The following ANKRD13B variants were observed in gnomAD, a reference collection of about 807,000 sequenced individuals.
ANKRD13B encodes ankyrin repeat domain-containing protein 13B.
ANKRD13B carries 33 observed loss-of-function variants against 74.4 expected under a neutral mutation model. The ratio of observed to expected loss-of-function variants is 0.44; its 90% CI spans 0.34 to 0.59. ANKRD13B has a LOEUF of 0.59. ANKRD13B is among the 20% of genes least tolerant of loss of function. ANKRD13B has a pLI of 0.02. For synonymous variants in ANKRD13B, 341 were observed against 362.9 expected (o/e 0.94, Z 0.68); for missense variants, 676 against 877.9 (o/e 0.77, Z 2.91).
chr17:29,609,173 T>G lies in ANKRD13B; in HGVS notation c.653T>G (p.Leu218Arg). ...GCACTGGCTGGGCAGGACCGGGAGC[T>G]GCTGCTGGCTGCTGCTCAGCCCACT... ...TLALAGQDRE[L>R]LLAAAQPTEE... The change falls in exon 6 of 15, where the codon CTG (leucine) becomes CGG (arginine). Residue 218 changes from leucine (L) to arginine (R), a missense_variant. By Grantham distance (102) the Leu-to-Arg change is moderately radical. Around this residue, in one of 4 missense-constraint regions of ANKRD13B, gnomAD observed 328 missense variants for 518.4 expected, o/e 0.63. Transcript: ENST00000394859. This position sits in a 1 kb window ranked among gnomAD's most constrained non-coding sequence, Gnocchi z 4.0. The G allele has an allele frequency of 6.2e-7, 1 of 1,612,252 alleles. No homozygotes were observed. Among genetic ancestry groups the G allele is most frequent in the Non-Finnish European group, 8.5e-7 (1 of 1,179,998 alleles).
In ANKRD13B at chr17:29,609,355, G is replaced by A. The variant is rs369846246; in HGVS notation, c.756G>A (p.Arg252=). 54 of 1,613,444 alleles carry A rather than the reference G, an allele frequency of 3.3e-5. No homozygotes were observed. The highest frequency in any genetic ancestry group is 5.0e-5 in the Admixed American group (3 of 60,002). Residue 252 remains arginine, a splice_region_variant and synonymous_variant, in exon 7 of 15, where the codon AGG becomes AGA. Coordinates refer to ENST00000394859, the MANE Select transcript of ANKRD13B (RefSeq NM_152345.5). This position sits in a 1 kb window ranked among gnomAD's most constrained non-coding sequence, Gnocchi z 4.0. The part of the protein sequence containing the change: ...QLDTKNISFE[R]NKTGILGWRS... ...CACCTGGACCACTCTGCTTCCCCAG[G>A]AACAAGACTGGCATCCTGGGCTGGC...
At chr17:29,603,547 C>T (rs530509162) in intron 1 of ANKRD13B, among the ~76,000 whole-genome samples, 3 of 152,308 alleles carry the variant, frequency 2.0e-5, no homozygotes, top group East Asian at 1.9e-4. Context: ...AGAAGCCCAG[C>T]CAACTTTATT....
Position 29,613,449 on chromosome 17 carries a change from T to G in ANKRD13B, c.1748T>G (p.Phe583Cys). 6.5e-7 allele frequency: 1 copy of G among 1,532,480 alleles called. No homozygotes were observed. The allele number at this position is 1,532,480 out of a possible 1,614,324, so 94.9% of individuals were successfully genotyped here. The change falls in exon 15 of 15, where the codon TTC becomes TGC. Residue 583 changes from phenylalanine to cysteine, a missense_variant. Physicochemically the swap from Phe to Cys is radical, Grantham distance 205 (BLOSUM62 -2). Around this residue, in one of 4 missense-constraint regions of ANKRD13B, gnomAD observed 108 missense variants for 90.3 expected, o/e 1.20. Transcript: ENST00000394859. ...SSGPGSGGHV[F>C]RSYDEQLRLA... is the part of the protein sequence containing the mutation. ...GGGCCAGGTTCCGGCGGCCACGTGTTCCGGAGCTACGACGAGCAGCTGCGG... is the reference window on the plus strand; with the variant it reads ...GGGCCAGGTTCCGGCGGCCACGTGTGCCGGAGCTACGACGAGCAGCTGCGG...
In ANKRD13B at chr17:29,609,177, G is replaced by T. The variant is rs749479395; in HGVS notation, c.657G>T (p.Leu219=). The T allele has an allele frequency of 2.5e-6, 4 of 1,612,298 alleles. No individual in the cohort carries two copies. The South Asian group carries it at 4.4e-5, about 18-fold the overall frequency. ...LALAGQDREL[L]LAAAQPTEEQ... is the part of the protein sequence containing the mutation. The stretch of plus-strand genomic sequence containing the variant: ...TGGCTGGGCAGGACCGGGAGCTGCT[G>T]CTGGCTGCTGCTCAGCCCACTGAGG... The change falls in exon 6 of 15, where the codon CTG becomes CTT. Residue 219 remains leucine (L), a synonymous_variant. Transcript: ENST00000394859. The surrounding 1 kb of genome is among the most constrained non-coding windows in gnomAD (Gnocchi z 4.0).
chr17:29,596,141 C>T (rs2033945973), intron 1 of ANKRD13B, among the ~76,000 whole-genome samples: 2 of 152,272 alleles, frequency 1.3e-5, no homozygotes, highest in Admixed American at 1.3e-4. Context: ...GCCTCTTCTT[C>T]ACTCCAAGAA....
At chr17:29,610,653 T>C (rs377406629) in intron 7 of ANKRD13B, 32 bp from the exon 8 acceptor site, 1 of 1,609,254 alleles carries the variant, frequency 6.2e-7, no homozygotes, top group African/African-American at 1.3e-5. Context: ...AGACCAGAAC[T>C]GCTTATGAGC....
rs768984716 is a variant in ANKRD13B, at chr17:29,612,285, C to T, written c.1258+12C>T. On this transcript the variant is annotated intron_variant, in intron 11 of 14. Transcript: ENST00000394859. This position sits in a 1 kb window ranked among gnomAD's most constrained non-coding sequence, Gnocchi z 6.1. Reference sequence around the variant, plus strand: ...CCCAGTTAAGATTGGTGAGACCGCACGGCCATTTCTCCTGAGCCCGTGGCG... The same window carrying T: ...CCCAGTTAAGATTGGTGAGACCGCATGGCCATTTCTCCTGAGCCCGTGGCG... 12 of 1,613,706 alleles carry T rather than the reference C, an allele frequency of 7.4e-6. No homozygotes were observed. The East Asian group carries it at 2.0e-4, about 27-fold the overall frequency.
Position 29,613,603 on chromosome 17 carries a change from GC to G in ANKRD13B, c.*23del. On this transcript the variant is annotated 3_prime_UTR_variant, in exon 15 of 15. Coordinates refer to ENST00000394859, the MANE Select transcript of ANKRD13B (RefSeq NM_152345.5). The stretch of plus-strand genomic sequence containing the variant: ...AGTAGCGCCCCCTGCCGGGACCCTC[GC>G]CAGCGCCACGCGCGCCACGCCCAGG... 1 of 1,401,736 alleles carries G rather than the reference GC, an allele frequency of 7.1e-7. No individual in the cohort carries two copies. The highest frequency in any genetic ancestry group is 3.1e-5 in the East Asian group (1 of 32,576). 86.8% of individuals were successfully genotyped at this position (1,401,736 alleles called of 1,614,324 possible).
intron 1 of ANKRD13B, among the ~76,000 whole-genome samples, chr17:29,605,835 TAGG>T (rs1244099925): frequency 4.6e-5 from 7 of 152,106 alleles, no homozygotes; most frequent in Non-Finnish European, 1.0e-4. Flanking sequence ...TTTATTATGG[TAGG>T]AGTAGAAGCC....
chr17:29,604,589 C>A (rs903225054), intron 1 of ANKRD13B, among the ~76,000 whole-genome samples: 1 of 151,086 alleles, frequency 6.6e-6, no homozygotes, highest in Non-Finnish European at 1.5e-5. Context: ...TCACCCAGGC[C>A]AGAGTGTAGT....
chr17:29,594,479 G>A (rs2033882919), intron 1 of ANKRD13B, among the ~76,000 whole-genome samples: 1 of 152,214 alleles, frequency 6.6e-6, no homozygotes, highest in African/African-American at 2.4e-5. Flanking sequence ...CCAGCTTTGG[G>A]CTGGGCAGTG....
intron 1 of ANKRD13B, among the ~76,000 whole-genome samples, chr17:29,602,972 C>T (rs977681935): frequency 4.0e-5 from 6 of 151,712 alleles, no homozygotes; most frequent in Admixed American, 2.0e-4. Context: ...CTGCCTCAGC[C>T]CCCAAGTAGC....
intron 1 of ANKRD13B, chr17:29,599,253 GC>G (rs1269054221): frequency 6.6e-6 from 1 of 152,276 alleles, no homozygotes; most frequent in African/African-American, 2.4e-5. Flanking sequence ...GAAGTCTGGG[GC>G]CATTGGATTC....
Position 29,609,303 on chromosome 17 carries a change from T to C in ANKRD13B, c.755+28T>C. The C allele has an allele frequency of 1.2e-6, 2 of 1,613,262 alleles. No individual in the cohort carries two copies. Among genetic ancestry groups the C allele is most frequent in the Non-Finnish European group, 1.7e-6 (2 of 1,179,830 alleles). The stretch of plus-strand genomic sequence containing the variant: ...GGGTGGACATGGCCTTGGTCACCCT[T>C]GAGCCAGCCCGGTGGGGTGCCTGCC... On this transcript the variant is annotated intron_variant, in intron 6 of 14. Coordinates refer to ENST00000394859, the MANE Select transcript of ANKRD13B (RefSeq NM_152345.5). This position sits in a 1 kb window ranked among gnomAD's most constrained non-coding sequence, Gnocchi z 4.0.
chr17:29,611,998 G>A lies in ANKRD13B; in HGVS notation c.1092G>A (p.Lys364=). Residue 364 remains lysine, a synonymous_variant, in exon 10 of 15, where the codon AAG becomes AAA. Coordinates refer to ENST00000394859, the MANE Select transcript of ANKRD13B (RefSeq NM_152345.5). The surrounding 1 kb of genome is among the most constrained non-coding windows in gnomAD (Gnocchi z 4.3). Reference sequence around the variant, plus strand: ...GCCGCCCCATGGAACTGACCACCAAGACACAGAAGTGAGGCCCCTGCCGGT... The same window carrying A: ...GCCGCCCCATGGAACTGACCACCAAAACACAGAAGTGAGGCCCCTGCCGGT... ...DMGRPMELTT[K]TQKFKAKLWL... 1.2e-6 allele frequency: 2 copies of A among 1,611,968 alleles called. No individual in the cohort carries two copies. The highest frequency in any genetic ancestry group is 1.7e-6 in the Non-Finnish European group (2 of 1,179,090).
intron 1 of ANKRD13B, among the ~76,000 whole-genome samples, chr17:29,600,636 C>A (rs1217105568): frequency 6.6e-6 from 1 of 152,170 alleles, no homozygotes; most frequent in South Asian, 2.1e-4. Flanking sequence ...ACCAGGGGAT[C>A]CTGAATTGTA....
At position 29,613,880 on chromosome 17, in the gene ANKRD13B, G is replaced by A; in HGVS notation, c.*298G>A. On this transcript the variant is annotated 3_prime_UTR_variant, in exon 15 of 15. Coordinates refer to ENST00000394859, the MANE Select transcript of ANKRD13B (RefSeq NM_152345.5). ...GTCCTGTCCTAGGGCGGAGCCAGGCGGTCCTGAGGGGGAGATGAATCCTTA... is the reference window on the plus strand; with the variant it reads ...GTCCTGTCCTAGGGCGGAGCCAGGCAGTCCTGAGGGGGAGATGAATCCTTA... 2.6e-6 allele frequency: 1 copy of A among 390,692 alleles called. No individual in the cohort carries two copies. Among genetic ancestry groups the A allele is most frequent in the Non-Finnish European group, 4.5e-6 (1 of 220,076 alleles). 24.2% of individuals were successfully genotyped at this position (390,692 alleles called of 1,614,324 possible). A position where few individuals can be genotyped will look rare whatever the true frequency, so the allele number is the denominator to read the frequency against.
rs549610763 is a variant in ANKRD13B, at chr17:29,608,651, G to T, written c.422-200G>T. On this transcript the variant is annotated intron_variant, in intron 4 of 14. Transcript: ENST00000394859. This position sits in a 1 kb window ranked among gnomAD's most constrained non-coding sequence, Gnocchi z 6.4. Reference sequence around the variant, plus strand: ...AGGGACTTAGTGGTGACAGAAACATGCCCGTCCCGACCTCAGGTTGCTCTT... The same window carrying T: ...AGGGACTTAGTGGTGACAGAAACATTCCCGTCCCGACCTCAGGTTGCTCTT... 4.0e-5 allele frequency: 27 copies of T among 673,434 alleles called. No individual in the cohort carries two copies. In the South Asian group the frequency reaches 5.4e-4, roughly 13 times the overall value. The allele number at this position is 673,434 out of a possible 1,614,324, so 41.7% of individuals were successfully genotyped here. A position where few individuals can be genotyped will look rare whatever the true frequency, so the allele number is the denominator to read the frequency against.
At position 29,608,847 on chromosome 17, in the gene ANKRD13B, C is replaced by T. The variant is rs374598375; in HGVS notation, c.422-4C>T. 1 of 1,614,118 alleles carries T rather than the reference C, an allele frequency of 6.2e-7. No homozygotes were observed. Among genetic ancestry groups the T allele is most frequent in the Non-Finnish European group, 8.5e-7 (1 of 1,180,018 alleles). ...AAGCCACCTCCAACCTCCGCTTCCACCAGTGCCCCTGGTGTCCAAGATCTG... is the reference window on the plus strand; with the variant it reads ...AAGCCACCTCCAACCTCCGCTTCCATCAGTGCCCCTGGTGTCCAAGATCTG... On this transcript the variant is annotated splice_region_variant and splice_polypyrimidine_tract_variant and intron_variant, in intron 4 of 14. Coordinates refer to ENST00000394859, the MANE Select transcript of ANKRD13B (RefSeq NM_152345.5). This position sits in a 1 kb window ranked among gnomAD's most constrained non-coding sequence, Gnocchi z 6.4.
Sources: gnomAD v4.1 joint callset for allele counts (sites outside exome capture counted in the v4.1 genomes callset) on GRCh38, gnomAD v4.1.1 for gene constraint, gnomAD v4.1.1 regional missense constraint, Gnocchi (gnomAD v3.1) non-coding constraint, MANE v1.5 for transcripts, NCBI Gene and HGNC (gene_info 2026-07-23, HGNC 2026-07-21) for gene names.